BCAT1: variants seen among roughly 807,000 people sequenced by gnomAD.
The protein encoded by BCAT1 is branched-chain-amino-acid aminotransferase, cytosolic.
BCAT1 carries 48 observed loss-of-function variants against 52.4 expected under a neutral mutation model. The observed-to-expected ratio is 0.92, with a 90% CI of 0.73 to 1.16. BCAT1 has a LOEUF of 1.16. Among genes scored for constraint, BCAT1 ranks in the 50% most tolerant of loss-of-function variants. The pLI, the probability that BCAT1 is intolerant of heterozygous loss-of-function variation, is 0.00. For synonymous variants in BCAT1, 167 were observed against 161.3 expected (o/e 1.04, Z -0.27); for missense variants, 451 against 457.1 (o/e 0.99, Z 0.12).
intron 4 of BCAT1, among the ~76,000 whole-genome samples, chr12:24,879,591 T>C (rs1386792983): frequency 1.3e-5 from 2 of 152,226 alleles, no homozygotes; most frequent in African/African-American, 2.4e-5. Flanking sequence ...AGTAATGTTA[T>C]AGAAATTGGG....
At chr12:24,862,678 C>A (rs1049353371) in intron 5 of BCAT1, among the ~76,000 whole-genome samples, 2 of 152,164 alleles carry the variant, frequency 1.3e-5, no homozygotes, top group Non-Finnish European at 2.9e-5. Context: ...ATATACTTAG[C>A]CACCCTGCTC....
intron 1 of BCAT1, among the ~76,000 whole-genome samples, chr12:24,916,729 C>T (rs183141610): frequency 3.1e-4 from 47 of 152,164 alleles, no homozygotes; most frequent in Non-Finnish European, 5.3e-4. Flanking sequence ...TTAGTAGAGA[C>T]GGGGTTTCAC....
intron 2 of BCAT1, among the ~76,000 whole-genome samples, chr12:24,896,436 A>G: frequency 6.6e-6 from 1 of 152,152 alleles, no homozygotes; most frequent in East Asian, 1.9e-4. Context: ...CAGAAACCTG[A>G]TGGCCCTCAA....
intron 5 of BCAT1, among the ~76,000 whole-genome samples, chr12:24,875,006 C>CAAAAAAAAAAAAA (rs11370314): frequency 7.2e-6 from 1 of 138,014 alleles, no homozygotes; most frequent in African/African-American, 2.7e-5. Flanking sequence ...AAGACAGGAC[C>CAAAAAAAAAAAAA]AAAAAAAAAA....
intron 1 of BCAT1, among the ~76,000 whole-genome samples, chr12:24,945,992 T>C (rs1019973962): frequency 6.6e-6 from 1 of 152,246 alleles, no homozygotes; most frequent in East Asian, 1.9e-4. Flanking sequence ...TGGGCATCTG[T>C]TATTTAAAGA....
intron 5 of BCAT1, among the ~76,000 whole-genome samples, chr12:24,861,635 C>A (rs1238120163): frequency 6.6e-6 from 1 of 152,166 alleles, no homozygotes; most frequent in Non-Finnish European, 1.5e-5. Context: ...CATCTGTCTG[C>A]AAATTTTGGG....
At chr12:24,889,446 A>G (rs1181549701) in intron 3 of BCAT1, among the ~76,000 whole-genome samples, 1 of 152,248 alleles carries the variant, frequency 6.6e-6, no homozygotes, top group African/African-American at 2.4e-5. Context: ...ATGCTCTTCC[A>G]GAACCCTGAC....
chr12:24,936,266 G>T (rs143261910), intron 1 of BCAT1, among the ~76,000 whole-genome samples: 2 of 152,148 alleles, frequency 1.3e-5, no homozygotes, highest in East Asian at 3.9e-4. Flanking sequence ...GAAGTCTCAC[G>T]CTGTAGCCCA....
intron 10 of BCAT1, among the ~76,000 whole-genome samples, chr12:24,825,149 A>G (rs1940335772): frequency 6.6e-6 from 1 of 151,596 alleles, no homozygotes; most frequent in Admixed American, 6.6e-5. Context: ...ATATATATAT[A>G]TATATATCTT....
intron 1 of BCAT1, among the ~76,000 whole-genome samples, chr12:24,933,350 A>G (rs912166080): frequency 6.6e-6 from 1 of 151,998 alleles, no homozygotes. Flanking sequence ...AAAAAAACTG[A>G]GGCACAGTTT....
chr12:24,851,081 A>C (rs901329718), intron 5 of BCAT1, among the ~76,000 whole-genome samples: 4 of 152,194 alleles, frequency 2.6e-5, no homozygotes, highest in Non-Finnish European at 5.9e-5. Context: ...GAAAACTGAG[A>C]GACCCAACGT....
rs141980991 is a variant in BCAT1 at position 24,845,507 on chromosome 12, G to T, written c.675-3283C>A. 2.2e-3 allele frequency among the ~76,000 whole-genome samples: 340 copies of T among 152,270 alleles called. 1 individual carries two copies. The highest frequency in any genetic ancestry group is 7.9e-3 in the African/African-American group (327 of 41,550). On this transcript the variant is annotated intron_variant, in intron 6 of 10. Transcript: ENST00000261192. ...TTTAATAATGAGTATAAACCAGATTGCAGGGGACGTCTGGTAGAAAGACCA... is the reference window on the plus strand; with the variant it reads ...TTTAATAATGAGTATAAACCAGATTTCAGGGGACGTCTGGTAGAAAGACCA...
chr12:24,911,044 C>T (rs1213228211), intron 1 of BCAT1, among the ~76,000 whole-genome samples: 1 of 150,966 alleles, frequency 6.6e-6, no homozygotes, highest in Non-Finnish European at 1.5e-5. Flanking sequence ...GTGGAGGTTG[C>T]AGTGAGCCAA....
At chr12:24,938,917 C>T (rs982224498) in intron 1 of BCAT1, among the ~76,000 whole-genome samples, 1 of 152,078 alleles carries the variant, frequency 6.6e-6, no homozygotes, top group Non-Finnish European at 1.5e-5. Flanking sequence ...CTCTGTCACC[C>T]AGGCTGGAGT....
intron 5 of BCAT1, among the ~76,000 whole-genome samples, chr12:24,870,084 G>A (rs1031202787): frequency 1.3e-5 from 2 of 151,934 alleles, no homozygotes; most frequent in African/African-American, 4.8e-5. Context: ...GAGATGAATT[G>A]TAGAACCCTG....
At chr12:24,903,212 T>C in intron 1 of BCAT1, 1 of 1,014,554 alleles carries the variant, frequency 9.9e-7, no homozygotes, top group Middle Eastern at 3.5e-4. Flanking sequence ...CTGTCTGCAG[T>C]CGCTAAAACC....
chr12:24,862,489 G>A (rs984127202), intron 5 of BCAT1, among the ~76,000 whole-genome samples: 1 of 152,170 alleles, frequency 6.6e-6, no homozygotes, highest in South Asian at 2.1e-4. Flanking sequence ...TGAACACAGA[G>A]GGCTTTCGTG....
chr12:24,855,149 C>T (rs370348586), intron 5 of BCAT1, among the ~76,000 whole-genome samples: 7 of 151,908 alleles, frequency 4.6e-5, no homozygotes, highest in Admixed American at 2.0e-4. Flanking sequence ...GTTTGGTTTC[C>T]TATAGAAACT....
intron 1 of BCAT1, among the ~76,000 whole-genome samples, chr12:24,910,222 G>C (rs1434792574): frequency 2.6e-5 from 4 of 151,686 alleles, no homozygotes; most frequent in African/African-American, 9.7e-5. Flanking sequence ...AAAAATAAAG[G>C]AAAAATTAGC....
Sources: allele counts gnomAD v4.1 joint callset (sites outside exome capture counted in the v4.1 genomes callset), GRCh38; gene constraint gnomAD v4.1.1; transcripts MANE v1.5; gene names NCBI Gene and HGNC (gene_info 2026-07-23, HGNC 2026-07-21).